The following RPGRIP1L variants were observed in gnomAD, a reference collection of about 807,000 sequenced individuals.
RPGRIP1L encodes protein fantom.
RPGRIP1L carries 131 observed loss-of-function variants against 160.4 expected under a neutral mutation model. The ratio of observed to expected loss-of-function variants is 0.82; its 90% CI spans 0.71 to 0.94. The LOEUF (loss-of-function observed/expected upper bound fraction) is 0.94, where lower values mean the gene tolerates loss of function less well. Among genes scored for constraint, RPGRIP1L ranks in the 40% least tolerant of loss-of-function variants. RPGRIP1L has a pLI of 0.00. For missense variants in RPGRIP1L, 1,522 were observed against 1,535.8 expected (o/e 0.99, Z 0.15); for synonymous variants, 510 against 515.8 (o/e 0.99, Z 0.15).
chr16:53,656,208 C>T (rs2151148118), intron 14 of RPGRIP1L, among the ~76,000 whole-genome samples: 1 of 152,148 alleles, frequency 6.6e-6, no homozygotes, highest in East Asian at 1.9e-4. Context: ...GCCTGTAATC[C>T]CAATACTTTG....
At position 53,636,426 on chromosome 16, in the gene RPGRIP1L, T is replaced by C. The variant is rs756969381; in HGVS notation, c.3294+13A>G. On this transcript the variant is annotated intron_variant, in intron 22 of 26. Coordinates refer to ENST00000647211, the MANE Select transcript of RPGRIP1L (RefSeq NM_015272.5). ...TATTTCAGAACATTTCTAGTTGGCA[T>C]CAAGTTACTGACCTGTTTGATATTC... 22 of 1,580,534 alleles carry C rather than the reference T, an allele frequency of 1.4e-5. No individual in the cohort carries two copies. The highest frequency in any genetic ancestry group is 1.7e-4 in the Middle Eastern group (1 of 6,014).
chr16:53,625,409 G>C (rs1250986053), intron 22 of RPGRIP1L, among the ~76,000 whole-genome samples: 1 of 145,248 alleles, frequency 6.9e-6, no homozygotes, highest in African/African-American at 2.5e-5. Context: ...CCTCAGCCTG[G>C]CGGCCGCCCC....
At chr16:53,674,512 C>T (rs1012506278) in intron 7 of RPGRIP1L, among the ~76,000 whole-genome samples, 5 of 151,382 alleles carry the variant, frequency 3.3e-5, no homozygotes, top group Admixed American at 6.6e-5. Context: ...TGATAGTTGA[C>T]GTTAAGAGTA....
intron 6 of RPGRIP1L, among the ~76,000 whole-genome samples, chr16:53,679,288 T>C (rs1242421453): frequency 6.6e-6 from 1 of 152,130 alleles, no homozygotes; most frequent in Non-Finnish European, 1.5e-5. Context: ...CAAAGGCTGG[T>C]TGGGAACAGG....
chr16:53,700,674 G>C lies in RPGRIP1L; in HGVS notation c.50C>G (p.Thr17Arg), dbSNP rs753794628. 1.2e-6 allele frequency: 2 copies of C among 1,613,548 alleles called. No individual in the cohort carries two copies. The highest frequency in any genetic ancestry group is 2.2e-5 in the South Asian group (2 of 90,904). ...TCCCATTCCAAAGAGGTTTAGACCTGTATCTTTCACAGGCAAGTCTCCTGC... is the reference window on the plus strand; with the variant it reads ...TCCCATTCCAAAGAGGTTTAGACCTCTATCTTTCACAGGCAAGTCTCCTGC... The part of the protein sequence containing the change: ...ETAGDLPVKD[T>R]GLNLFGMGGL... The change falls in exon 2 of 27, where the codon ACA (threonine) becomes AGA (arginine). Residue 17 changes from threonine to arginine, a missense_variant. Transcript: ENST00000647211.
Position 53,663,388 on chromosome 16 carries a change from T to TAAC in RPGRIP1L, c.1243+1479_1243+1481dup, listed in dbSNP as rs1252972732. Among the ~76,000 whole-genome samples, 4 of 152,178 alleles carry TAAC rather than the reference T, an allele frequency of 2.6e-5. No homozygotes were observed. In the East Asian group the frequency reaches 7.7e-4, roughly 29 times the overall value. ...AAGATCAGTTCAGATATCCAAAAGATAACAGCTTTAGGATTCTTGATATCT... is the reference window on the plus strand; with the variant it reads ...AAGATCAGTTCAGATATCCAAAAGATAACAACAGCTTTAGGATTCTTGATATCT... On this transcript the variant is annotated intron_variant, in intron 10 of 26. Coordinates refer to ENST00000647211, the MANE Select transcript of RPGRIP1L (RefSeq NM_015272.5).
intron 6 of RPGRIP1L, among the ~76,000 whole-genome samples, chr16:53,678,724 T>C (rs1452273514): frequency 6.6e-6 from 1 of 152,168 alleles, no homozygotes; most frequent in Non-Finnish European, 1.5e-5. Context: ...TTAGGTCAAA[T>C]ATTTACGACA....
chr16:53,658,037 A>C (rs1445182904), intron 12 of RPGRIP1L, among the ~76,000 whole-genome samples: 1 of 152,180 alleles, frequency 6.6e-6, no homozygotes, highest in Non-Finnish European at 1.5e-5. Flanking sequence ...GATATTTATA[A>C]TTCAATATTT....
chr16:53,638,506 T>G (rs1965986713), intron 19 of RPGRIP1L, 95 bp from the exon 20 acceptor site: 2 of 674,930 alleles, frequency 3.0e-6, no homozygotes, highest in East Asian at 5.6e-5. Flanking sequence ...TACTAAAAAT[T>G]GGCAGCAAAT....
intron 22 of RPGRIP1L, chr16:53,628,259 T>C (rs1656994252): frequency 1.3e-5 from 2 of 152,152 alleles, no homozygotes; most frequent in South Asian, 4.1e-4. Flanking sequence ...ATGTCAATGC[T>C]TTTGAAGAGT....
At chr16:53,604,794 C>G (rs182401400) in intron 26 of RPGRIP1L, among the ~76,000 whole-genome samples, 57 of 152,250 alleles carry the variant, frequency 3.7e-4, no homozygotes, top group Non-Finnish European at 4.7e-4. Flanking sequence ...GGTTAAGTAC[C>G]TTAACAGAAA....
At chr16:53,604,666 G>A (rs1352342079) in intron 26 of RPGRIP1L, among the ~76,000 whole-genome samples, 1 of 152,160 alleles carries the variant, frequency 6.6e-6, no homozygotes, top group Non-Finnish European at 1.5e-5. Flanking sequence ...AAATCCTGGT[G>A]GGAAATAAAG....
Position 53,601,850 on chromosome 16 carries a change from T to C in RPGRIP1L, c.*226A>G, listed in dbSNP as rs1257994613. 1.9e-6 allele frequency: 1 copy of C among 522,068 alleles called. No homozygotes were observed. Among genetic ancestry groups the C allele is most frequent in the East Asian group, 3.4e-5 (1 of 29,542 alleles). The allele number at this position is 522,068 out of a possible 1,614,324, so 32.3% of individuals were successfully genotyped here. A position where few individuals can be genotyped will look rare whatever the true frequency, so the allele number is the denominator to read the frequency against. On this transcript the variant is annotated 3_prime_UTR_variant, in exon 27 of 27. Transcript: ENST00000647211. Reference sequence around the variant, plus strand: ...ATTATTGAGAAGGTACTGCCCATTATGGAGAACTTAAGTCCTGAGGGGTGG... The same window carrying C: ...ATTATTGAGAAGGTACTGCCCATTACGGAGAACTTAAGTCCTGAGGGGTGG...
chr16:53,652,154 T>C (rs9921629), intron 15 of RPGRIP1L, among the ~76,000 whole-genome samples: 34,318 of 152,028 alleles, frequency 0.23, 5,538 homozygotes, highest in East Asian at 0.44. Context: ...CAGCTCACTG[T>C]AACCTCTGCC....
chr16:53,609,117 C>T (rs912626343), intron 25 of RPGRIP1L, among the ~76,000 whole-genome samples: 1 of 152,170 alleles, frequency 6.6e-6, no homozygotes, highest in Admixed American at 6.5e-5. Flanking sequence ...GAGACAGGGT[C>T]TTGCTCTCTC....
chr16:53,605,439 C>T lies in RPGRIP1L; in HGVS notation c.3835+42G>A. On this transcript the variant is annotated intron_variant, in intron 26 of 26. Transcript: ENST00000647211. ...TTTTAATAAAGAGTTTGGAGTTCAGCAATTGTTGGTTGCACAAACTGAGCA... is the reference window on the plus strand; with the variant it reads ...TTTTAATAAAGAGTTTGGAGTTCAGTAATTGTTGGTTGCACAAACTGAGCA... The T allele has an allele frequency of 2.5e-6, 4 of 1,612,106 alleles. No individual in the cohort carries two copies. In the South Asian group the frequency reaches 4.4e-5, roughly 18 times the overall value.
chr16:53,629,542 T>C (rs888588752), intron 22 of RPGRIP1L, among the ~76,000 whole-genome samples: 1 of 152,228 alleles, frequency 6.6e-6, no homozygotes. Flanking sequence ...AACATCTTTA[T>C]AGAAAAGCTT....
intron 25 of RPGRIP1L, 109 bp from the exon 26 acceptor site, chr16:53,605,723 A>C (rs1056971384): frequency 1.8e-6 from 2 of 1,097,414 alleles, no homozygotes; most frequent in African/African-American, 3.1e-5. Flanking sequence ...TAAAGTTTCC[A>C]ATTATCCCAA....
chr16:53,684,061 T>C (rs1969807635), intron 6 of RPGRIP1L, among the ~76,000 whole-genome samples: 1 of 152,114 alleles, frequency 6.6e-6, no homozygotes, highest in South Asian at 2.1e-4. Flanking sequence ...GATATCCAGT[T>C]AGAATGGTGA....
Sources: allele counts gnomAD v4.1 joint callset (sites outside exome capture counted in the v4.1 genomes callset), GRCh38; gene constraint gnomAD v4.1.1; transcripts MANE v1.5; gene names NCBI Gene and HGNC (gene_info 2026-07-23, HGNC 2026-07-21).